The following RGS9 variants were observed in gnomAD, a reference collection of about 807,000 sequenced individuals.
The protein encoded by RGS9 is regulator of G-protein signalling 9.
Under a neutral mutation model 102.0 loss-of-function variants are expected in RGS9, and 78 were observed. The observed-to-expected ratio is 0.76, with a 90% CI of 0.64 to 0.92. The LOEUF (loss-of-function observed/expected upper bound fraction) is 0.92. Ranked by LOEUF, RGS9 falls within the 40% of genes least tolerant of loss-of-function variation. The pLI, the probability that RGS9 is intolerant of heterozygous loss-of-function variation, is 0.00. For synonymous variants in RGS9, 353 were observed against 318.6 expected (o/e 1.11, Z -1.15); for missense variants, 833 against 866.1 (o/e 0.96, Z 0.48).
chr17:65,141,048 G>T (rs562796646), intron 1 of RGS9, among the ~76,000 whole-genome samples: 1 of 152,320 alleles, frequency 6.6e-6, no homozygotes, highest in East Asian at 1.9e-4. Flanking sequence ...TGGTCAGAAA[G>T]GACCGTGTGC....
intron 14 of RGS9, among the ~76,000 whole-genome samples, chr17:65,203,303 C>A (rs1912926867): frequency 6.6e-6 from 1 of 152,136 alleles, no homozygotes; most frequent in Non-Finnish European, 1.5e-5. Flanking sequence ...GTGGGGAGGG[C>A]TGTCGGTCCG....
At chr17:65,226,499 A>G (rs1320343697) in intron 18 of RGS9, among the ~76,000 whole-genome samples, 1 of 152,036 alleles carries the variant, frequency 6.6e-6, no homozygotes, top group Non-Finnish European at 1.5e-5. Flanking sequence ...GGCCCTGCAG[A>G]GGGAATATTC....
At chr17:65,222,959 G>A (rs1425647718) in intron 17 of RGS9, among the ~76,000 whole-genome samples, 2 of 152,118 alleles carry the variant, frequency 1.3e-5, no homozygotes, top group Admixed American at 6.5e-5. Flanking sequence ...CGCCGACTCC[G>A]AGTCAGCCAG....
intron 15 of RGS9, among the ~76,000 whole-genome samples, chr17:65,205,037 A>C (rs921392749): frequency 3.3e-5 from 5 of 152,168 alleles, no homozygotes; most frequent in Non-Finnish European, 7.4e-5. Context: ...TGTGTGTGTG[A>C]TTGTAGTAAG....
intron 8 of RGS9, among the ~76,000 whole-genome samples, chr17:65,176,604 G>A (rs1253115300): frequency 6.6e-6 from 1 of 152,158 alleles, no homozygotes; most frequent in Non-Finnish European, 1.5e-5. Flanking sequence ...AAGGAGCACT[G>A]TGGGAAGAGT....
At chr17:65,191,178 C>A (rs1912351714) in intron 11 of RGS9, among the ~76,000 whole-genome samples, 1 of 152,172 alleles carries the variant, frequency 6.6e-6, no homozygotes, top group African/African-American at 2.4e-5. Flanking sequence ...TTATAATAAT[C>A]ATCATTGTTC....
intron 9 of RGS9, among the ~76,000 whole-genome samples, chr17:65,187,344 A>T (rs779746509): frequency 2.6e-5 from 4 of 152,248 alleles, no homozygotes; most frequent in Non-Finnish European, 5.9e-5. Context: ...GATCAGTGCT[A>T]TGAAGGAGGA....
At chr17:65,193,497 C>T in intron 11 of RGS9, 46 bp from the exon 12 acceptor site, 1 of 1,212,644 alleles carries the variant, frequency 8.2e-7, no homozygotes, top group Non-Finnish European at 1.2e-6. Flanking sequence ...GATGTCATAT[C>T]TTGGGTGTCG....
rs372265191 is a variant in RGS9, at chr17:65,158,447, T to G, written c.205+102T>G. On this transcript the variant is annotated intron_variant, in intron 3 of 18. Coordinates refer to ENST00000262406, the MANE Select transcript of RGS9 (RefSeq NM_003835.4). ...AGCCTGTGTTTCTGAGAAATTTACATTTTAATTGGACAGACATGACCTTCG... is the reference window on the plus strand; with the variant it reads ...AGCCTGTGTTTCTGAGAAATTTACAGTTTAATTGGACAGACATGACCTTCG... The G allele has an allele frequency of 1.1e-5, 12 of 1,105,814 alleles. No individual in the cohort carries two copies. The East Asian group carries it at 2.6e-4, about 24-fold the overall frequency. 68.5% of individuals were successfully genotyped at this position (1,105,814 alleles called of 1,614,324 possible). A position where few individuals can be genotyped will look rare whatever the true frequency, so the allele number is the denominator to read the frequency against.
chr17:65,156,413 G>A (rs1004751985), intron 2 of RGS9, among the ~76,000 whole-genome samples: 1 of 152,222 alleles, frequency 6.6e-6, no homozygotes. Context: ...ATTTGGGCGA[G>A]GTCGCCCATC....
chr17:65,156,862 C>T (rs1910787531), intron 2 of RGS9, among the ~76,000 whole-genome samples: 1 of 152,152 alleles, frequency 6.6e-6, no homozygotes, highest in Non-Finnish European at 1.5e-5. Flanking sequence ...TTTTGAACAG[C>T]CATCCAGGAG....
rs992264959 is a variant in RGS9, at chr17:65,225,079, C to T, written c.1485C>T (p.Pro495=). Residue 495 remains proline, a synonymous_variant, in exon 18 of 19, where the codon CCC becomes CCT. Coordinates refer to ENST00000262406, the MANE Select transcript of RGS9 (RefSeq NM_003835.4). The part of the protein sequence containing the change: ...GTCMPPSPSS[P]FSSSCRSPRK... Reference sequence around the variant, plus strand: ...GCATGCCCCCGTCTCCTTCTAGCCCCTTCTCCTCCTCCTGCCGCTCCCCCA... The same window carrying T: ...GCATGCCCCCGTCTCCTTCTAGCCCTTTCTCCTCCTCCTGCCGCTCCCCCA... 6.2e-7 allele frequency: 1 copy of T among 1,613,944 alleles called. No individual in the cohort carries two copies. Among genetic ancestry groups the T allele is most frequent in the African/African-American group, 1.3e-5 (1 of 74,930 alleles).
chr17:65,153,445 G>A lies in RGS9; in HGVS notation c.81G>A (p.Met27Ile). ...LQKIEALVKD[M>I]QNPETGVRMQ... ...AGATTGAAGCGCTCGTGAAGGACAT[G>A]CAGAACCCAGAGACAGGGGTCCGAA... Residue 27 changes from methionine (M) to isoleucine (I), a missense_variant, in exon 2 of 19, where the codon ATG (methionine) becomes ATA (isoleucine). Coordinates refer to ENST00000262406, the MANE Select transcript of RGS9 (RefSeq NM_003835.4). 6.2e-7 allele frequency: 1 copy of A among 1,614,118 alleles called. No homozygotes were observed. The highest frequency in any genetic ancestry group is 8.5e-7 in the Non-Finnish European group (1 of 1,179,980).
chr17:65,210,359 A>C (rs1353477006), intron 16 of RGS9, 129 bp from the exon 17 acceptor site: 4 of 1,183,378 alleles, frequency 3.4e-6, no homozygotes, highest in Non-Finnish European at 5.0e-6. Flanking sequence ...CTGGAGGTTC[A>C]CTGGAAAAAG....
At chr17:65,175,633 C>T (rs1911597316) in intron 8 of RGS9, among the ~76,000 whole-genome samples, 1 of 152,178 alleles carries the variant, frequency 6.6e-6, no homozygotes, top group East Asian at 1.9e-4. Flanking sequence ...AAGAAGTGCC[C>T]CATAGATATT....
At chr17:65,179,078 T>A (rs919929770) in intron 9 of RGS9, among the ~76,000 whole-genome samples, 1 of 152,160 alleles carries the variant, frequency 6.6e-6, no homozygotes, top group African/African-American at 2.4e-5. Context: ...AAACATTGTC[T>A]TTGGGTAGCA....
chr17:65,178,724 T>G (rs1467175685), intron 9 of RGS9, among the ~76,000 whole-genome samples: 3 of 152,156 alleles, frequency 2.0e-5, no homozygotes, highest in African/African-American at 7.2e-5. Flanking sequence ...AGGCTGGTCT[T>G]GAACTCCTGG....
chr17:65,179,881 A>G (rs1911797602), intron 9 of RGS9: 1 of 152,130 alleles, frequency 6.6e-6, no homozygotes, highest in African/African-American at 2.4e-5. Flanking sequence ...CCCAGAACCC[A>G]GTGGGCAGGC....
Position 65,215,473 on chromosome 17 carries a change from TCTCTATCTTTCTTTCG to T in RGS9, c.1407+4869_1407+4884del, listed in dbSNP as rs1242990721. Among the ~76,000 whole-genome samples, 89 of 139,920 alleles carry T rather than the reference TCTCTATCTTTCTTTCG, an allele frequency of 6.4e-4. 1 individual carries two copies. Among genetic ancestry groups the T allele is most frequent in the Middle Eastern group, 3.6e-3 (1 of 274 alleles). The allele number at this position is 139,920 out of a possible 152,430, so 91.8% of individuals were successfully genotyped here. ...CGGAGTTTCTCTTTCTTTCTTTCTT[TCTCTATCTTTCTTTCG>T]TTCTTTCGTTCTTTCTTTCTTTCTT... is the stretch of plus-strand genomic sequence containing the variant. On this transcript the variant is annotated intron_variant, in intron 17 of 18. Coordinates refer to ENST00000262406, the MANE Select transcript of RGS9 (RefSeq NM_003835.4).
Sources: allele counts gnomAD v4.1 joint callset (sites outside exome capture counted in the v4.1 genomes callset), GRCh38; gene constraint gnomAD v4.1.1; transcripts MANE v1.5; gene names NCBI Gene and HGNC (gene_info 2026-07-23, HGNC 2026-07-21).